NEURL1: variants seen among roughly 807,000 people sequenced by gnomAD.
NEURL1 encodes neuralized E3 ubiquitin protein ligase 1, also known as E3 ubiquitin-protein ligase NEURL1.
A neutral mutation model predicts 41.2 loss-of-function variants in NEURL1; 26 were observed. That is an observed-to-expected ratio of 0.63 (90% CI 0.46 to 0.87). NEURL1 has a LOEUF of 0.87. Ranked by LOEUF, NEURL1 falls within the 40% of genes least tolerant of loss-of-function variation. NEURL1 has a pLI of 0.00. For missense variants in NEURL1, 761 were observed against 871.1 expected, an observed-to-expected ratio of 0.87 and a Z score of 1.59; for synonymous variants, 400 against 402.3, an observed-to-expected ratio of 0.99 and a Z score of 0.07.
chr10:103,575,900 T>A (rs1592236148), intron 3 of NEURL1, among the ~76,000 whole-genome samples: 1 of 152,206 alleles, frequency 6.6e-6, no homozygotes, highest in Non-Finnish European at 1.5e-5. Context: ...TCCCAGTATC[T>A]CAAGGTCTCC....
chr10:103,590,240 G>A lies in NEURL1; in HGVS notation c.1593G>A (p.Thr531=), dbSNP rs754801374. 3.3e-5 allele frequency: 53 copies of A among 1,613,726 alleles called. 1 individual carries two copies. In the Middle Eastern group the frequency reaches 3.8e-3, roughly 115 times the overall value. Residue 531 remains threonine, a synonymous_variant, in exon 6 of 6, where the codon ACG becomes ACA. Transcript: ENST00000369780. The stretch of plus-strand genomic sequence containing the variant: ...TTTGCTATGAACACGCGGTGGACAC[G>A]GTCATCTACACATGTGGCCACATGT... The part of the protein sequence containing the change: ...CTICYEHAVD[T]VIYTCGHMCL...
intron 1 of NEURL1, among the ~76,000 whole-genome samples, chr10:103,565,448 C>T (rs2035401581): frequency 6.6e-6 from 1 of 152,122 alleles, no homozygotes; most frequent in South Asian, 2.1e-4. Flanking sequence ...GGCAGGGAAC[C>T]CCCGTTCTGT....
intron 1 of NEURL1, among the ~76,000 whole-genome samples, chr10:103,504,220 T>A (rs1196006961): frequency 6.6e-6 from 1 of 152,056 alleles, no homozygotes; most frequent in South Asian, 2.1e-4. Flanking sequence ...CTTGAACCCC[T>A]GAACTTGTGA....
At chr10:103,503,312 G>A (rs2033867962) in intron 1 of NEURL1, among the ~76,000 whole-genome samples, 1 of 152,234 alleles carries the variant, frequency 6.6e-6, no homozygotes, top group African/African-American at 2.4e-5. Flanking sequence ...AAATGAGCAG[G>A]TGTTGACACT....
chr10:103,544,375 C>G (rs904089105), intron 1 of NEURL1, among the ~76,000 whole-genome samples: 1 of 152,090 alleles, frequency 6.6e-6, no homozygotes, highest in Non-Finnish European at 1.5e-5. Flanking sequence ...GGGTTTCCCA[C>G]CAGACCCTGG....
At chr10:103,576,418 G>A (rs2035666482) in intron 3 of NEURL1, among the ~76,000 whole-genome samples, 1 of 152,186 alleles carries the variant, frequency 6.6e-6, no homozygotes, top group South Asian at 2.1e-4. Flanking sequence ...ACTTGTGGAG[G>A]TGAGGGGTGT....
At position 103,585,185 on chromosome 10, in the gene NEURL1, C is replaced by T. The variant is rs774152595; in HGVS notation, c.1299C>T (p.Leu433=). Residue 433 remains leucine (L), a synonymous_variant, in exon 4 of 6, where the codon CTC becomes CTT. Coordinates refer to ENST00000369780, the MANE Select transcript of NEURL1 (RefSeq NM_004210.5). ...CVDASQPLWM[L]FGLHGTITQI... ...ACGCCTCGCAGCCGCTTTGGATGCT[C>T]TTCGGCCTGCACGGGACCATCACGC... is the stretch of plus-strand genomic sequence containing the variant. The T allele has an allele frequency of 6.3e-7, 1 of 1,581,332 alleles. No individual in the cohort carries two copies.
intron 4 of NEURL1, among the ~76,000 whole-genome samples, chr10:103,588,375 A>T (rs545837027): frequency 7.9e-5 from 12 of 151,922 alleles, no homozygotes; most frequent in African/African-American, 2.9e-4. Flanking sequence ...GCACAGAACA[A>T]ATATTACCCC....
chr10:103,584,898 A>G lies in NEURL1; in HGVS notation c.1012A>G (p.Ile338Val). Residue 338 changes from isoleucine to valine, a missense_variant, in exon 4 of 6, where the codon ATC becomes GTC. By Grantham distance (29) the Ile-to-Val change is conservative. Coordinates refer to ENST00000369780, the MANE Select transcript of NEURL1 (RefSeq NM_004210.5). Reference protein sequence around the residue: ...TSRPVRVAETIFVKVTRSGGA... With the variant: ...TSRPVRVAETVFVKVTRSGGA... The stretch of plus-strand genomic sequence containing the variant: ...CCGGCCCGTGCGCGTGGCCGAGACC[A>G]TCTTCGTCAAGGTCACGCGCTCGGG... 2.9e-6 allele frequency: 4 copies of G among 1,386,328 alleles called. No homozygotes were observed. The highest frequency in any genetic ancestry group is 3.7e-6 in the Non-Finnish European group (4 of 1,070,874). 85.9% of individuals were successfully genotyped at this position (1,386,328 alleles called of 1,614,324 possible).
At chr10:103,543,087 C>T (rs1273304283) in intron 1 of NEURL1, among the ~76,000 whole-genome samples, 1 of 152,172 alleles carries the variant, frequency 6.6e-6, no homozygotes, top group Admixed American at 6.5e-5. Flanking sequence ...GAGCTGGAGG[C>T]GCTCTGTCCC....
At chr10:103,550,153 G>T (rs938490094) in intron 1 of NEURL1, among the ~76,000 whole-genome samples, 10 of 152,238 alleles carry the variant, frequency 6.6e-5, no homozygotes, top group African/African-American at 2.4e-4. Flanking sequence ...TGGGAATGAG[G>T]TGCTAGGCCT....
chr10:103,586,017 A>G (rs1791519563), intron 4 of NEURL1, among the ~76,000 whole-genome samples: 1 of 150,712 alleles, frequency 6.6e-6, no homozygotes, highest in African/African-American at 2.4e-5. Flanking sequence ...ACTCGGGGGA[A>G]TCCCTGAGCA....
chr10:103,522,885 AGATGCTTTT>A lies in NEURL1; in HGVS notation c.85+28416_85+28424del, dbSNP rs1226276419. On this transcript the variant is annotated intron_variant, in intron 1 of 5. Transcript: ENST00000369780. ...GCTTTGAAGTGCAACAGGAGCCTAA[AGATGCTTTT>A]GAATTTTTTAGGGGCAAAATCCTTC... is the stretch of plus-strand genomic sequence containing the variant. Among the ~76,000 whole-genome samples, 7 of 151,830 alleles carry A rather than the reference AGATGCTTTT, an allele frequency of 4.6e-5. No individual in the cohort carries two copies. The South Asian group carries it at 8.3e-4, about 18-fold the overall frequency.
chr10:103,511,342 T>TG (rs2034067747), intron 1 of NEURL1, among the ~76,000 whole-genome samples: 1 of 152,138 alleles, frequency 6.6e-6, no homozygotes, highest in Non-Finnish European at 1.5e-5. Context: ...CTGAGAGGCC[T>TG]GGGGGTCCCA....
In NEURL1 at chr10:103,494,300, CCG is replaced by C; in HGVS notation, c.-80_-79del. The C allele has an allele frequency of 5.4e-6, 6 of 1,118,872 alleles. No homozygotes were observed. The highest frequency in any genetic ancestry group is 7.5e-6 in the Non-Finnish European group (6 of 799,310). 69.3% of individuals were successfully genotyped at this position (1,118,872 alleles called of 1,614,324 possible). A position where few individuals can be genotyped will look rare whatever the true frequency, so the allele number is the denominator to read the frequency against. On this transcript the variant is annotated 5_prime_UTR_variant, in exon 1 of 6. Transcript: ENST00000369780. ...AGGGCCCTCCCCCGGTGGCGCGCAC[CCG>C]CGCGCGCACACTCGCACACCGCACC...
chr10:103,557,325 A>G (rs1301474608), intron 1 of NEURL1, among the ~76,000 whole-genome samples: 1 of 152,182 alleles, frequency 6.6e-6, no homozygotes, highest in Non-Finnish European at 1.5e-5. Flanking sequence ...AGAACTCAAC[A>G]TGGGGAAAAT....
intron 1 of NEURL1, among the ~76,000 whole-genome samples, chr10:103,521,617 TAGAAG>T (rs1201498456): frequency 6.6e-6 from 1 of 152,074 alleles, no homozygotes; most frequent in Non-Finnish European, 1.5e-5. Context: ...GTAACCAACC[TAGAAG>T]AGGTTATGAA....
At chr10:103,526,622 C>G (rs943898457) in intron 1 of NEURL1, among the ~76,000 whole-genome samples, 1 of 152,120 alleles carries the variant, frequency 6.6e-6, no homozygotes, top group Admixed American at 6.5e-5. Context: ...AGTGATTCTC[C>G]GGCCTCAGCC....
At position 103,579,549 on chromosome 10, in the gene NEURL1, T is replaced by C. The variant is rs138887926; in HGVS notation, c.650-4987T>C. Among the ~76,000 whole-genome samples the C allele has an allele frequency of 5.3e-4, 81 of 152,266 alleles. 1 individual carries two copies. Among genetic ancestry groups the C allele is most frequent in the Non-Finnish European group, 7.6e-4 (52 of 68,016 alleles). ...GCCATTCTAGCCTCTAGCTGAGAGA[T>C]TGGCAGGGATAAATGGATTTCCTAG... On this transcript the variant is annotated intron_variant, in intron 3 of 5. Coordinates refer to ENST00000369780, the MANE Select transcript of NEURL1 (RefSeq NM_004210.5).
Sources: gnomAD v4.1 joint callset for allele counts (sites outside exome capture counted in the v4.1 genomes callset) on GRCh38, gnomAD v4.1.1 for gene constraint, MANE v1.5 for transcripts, NCBI Gene and HGNC (gene_info 2026-07-23, HGNC 2026-07-21) for gene names.